Variants in IFT74 observed in about 807,000 individuals in gnomAD.
IFT74 encodes intraflagellar transport protein 74 homolog.
IFT74 carries 92 observed loss-of-function variants against 96.7 expected under a neutral mutation model. That is an observed-to-expected ratio of 0.95 (90% CI 0.80 to 1.13). IFT74 has a LOEUF of 1.13. Ranked by LOEUF, IFT74 falls within the 50% of genes most tolerant of loss-of-function variation. The pLI is 0.00. For synonymous variants in IFT74, 223 were observed against 213.2 expected, an observed-to-expected ratio of 1.05 and a Z score of -0.40; for missense variants, 811 against 698.2, an observed-to-expected ratio of 1.16 and a Z score of -1.82.
At chr9:27,041,216 C>T (rs945986909) in intron 13 of IFT74, among the ~76,000 whole-genome samples, 1 of 152,156 alleles carries the variant, frequency 6.6e-6, no homozygotes, top group African/African-American at 2.4e-5. Flanking sequence ...CTTTAATCCC[C>T]ATGTTACCCG....
At chr9:27,035,499 A>G (rs1819128478) in intron 13 of IFT74, among the ~76,000 whole-genome samples, 1 of 152,228 alleles carries the variant, frequency 6.6e-6, no homozygotes. Context: ...TTAGAAATGC[A>G]AATTCTTGGG....
Position 27,062,912 on chromosome 9 carries a change from A to G in IFT74, c.*176A>G. On this transcript the variant is annotated 3_prime_UTR_variant, in exon 20 of 20. Coordinates refer to ENST00000380062, the MANE Select transcript of IFT74 (RefSeq NM_025103.4). ...TTTAAAATAGTAAATAGTTCAATAA[A>G]TGGTTTGCATATTAAAAAGTACCAT... 2.0e-6 allele frequency: 1 copy of G among 502,716 alleles called. No homozygotes were observed. 31.1% of individuals were successfully genotyped at this position (502,716 alleles called of 1,614,324 possible). A position where few individuals can be genotyped will look rare whatever the true frequency, so the allele number is the denominator to read the frequency against.
intron 8 of IFT74, among the ~76,000 whole-genome samples, chr9:27,008,226 C>T (rs1828882825): frequency 1.3e-5 from 2 of 152,192 alleles, no homozygotes; most frequent in Non-Finnish European, 2.9e-5. Context: ...AATTGCACTG[C>T]AGGCCTCTCT....
intron 2 of IFT74, among the ~76,000 whole-genome samples, chr9:26,962,645 A>G (rs2131482171): frequency 6.6e-6 from 1 of 152,374 alleles, no homozygotes; most frequent in South Asian, 2.1e-4. Flanking sequence ...ACCTTTTATC[A>G]GAATTCTACA....
intron 9 of IFT74, among the ~76,000 whole-genome samples, chr9:27,009,833 T>C (rs1316071286): frequency 1.3e-5 from 2 of 152,206 alleles, no homozygotes; most frequent in African/African-American, 2.4e-5. Flanking sequence ...AAATTAATTT[T>C]TTTATTGATA....
rs375128279 is a variant in IFT74 at position 27,060,656 on chromosome 9, C to T, written c.1684+5C>T. On this transcript the variant is annotated splice_donor_5th_base_variant and intron_variant, in intron 19 of 19. Coordinates refer to ENST00000380062, the MANE Select transcript of IFT74 (RefSeq NM_025103.4). ...ATAATTTTGCGATGAAAGAATGTAT[C>T]CTTTAAAAAGCTGAAAATGGGGCCG... 1.5e-5 allele frequency: 24 copies of T among 1,596,052 alleles called. No homozygotes were observed. Among genetic ancestry groups the T allele is most frequent in the Non-Finnish European group, 2.1e-5 (24 of 1,168,564 alleles).
At chr9:26,980,370 G>C (rs115438624) in intron 3 of IFT74, among the ~76,000 whole-genome samples, 2 of 152,016 alleles carry the variant, frequency 1.3e-5, no homozygotes, top group Non-Finnish European at 2.9e-5. Context: ...TCCCATCTTC[G>C]TAGTTTTAAT....
At chr9:27,041,741 C>G (rs962044715) in intron 13 of IFT74, among the ~76,000 whole-genome samples, 1 of 152,144 alleles carries the variant, frequency 6.6e-6, no homozygotes, top group Non-Finnish European at 1.5e-5. Flanking sequence ...TTTTACCCTA[C>G]CTTAGGACTG....
chr9:26,995,967 G>A, intron 8 of IFT74: 1 of 756,694 alleles, frequency 1.3e-6, no homozygotes, highest in Non-Finnish European at 2.0e-6. Context: ...ATACATTGTA[G>A]TTTTCTTTAG....
At chr9:26,995,550 C>G in intron 8 of IFT74, 2 of 1,580,454 alleles carry the variant, frequency 1.3e-6, no homozygotes, top group Non-Finnish European at 1.7e-6. Context: ...TCATGGATAT[C>G]TATATATTTG....
At chr9:27,036,556 G>A (rs137906248) in intron 13 of IFT74, 28,190 of 1,607,150 alleles carry the variant, frequency 0.018, 295 homozygotes, top group Non-Finnish European at 0.02. Flanking sequence ...CATTTGAACT[G>A]AAGAATACCC....
intron 12 of IFT74, among the ~76,000 whole-genome samples, chr9:27,026,144 T>A (rs10967670): frequency 0.3 from 46,299 of 152,018 alleles, 8,126 homozygotes; most frequent in East Asian, 0.7. Flanking sequence ...GTGGAAAAAG[T>A]TATTCCATGC....
upstream of IFT74, chr9:26,955,680 G>A (rs1189923281): frequency 6.6e-6 from 1 of 151,960 alleles, no homozygotes; most frequent in East Asian, 1.9e-4. Flanking sequence ...TTAACTCCTC[G>A]AAGGCAGGCA....
intron 8 of IFT74, among the ~76,000 whole-genome samples, chr9:27,006,840 T>G (rs1828810529): frequency 7.5e-6 from 1 of 133,466 alleles, no homozygotes; most frequent in African/African-American, 2.8e-5. Flanking sequence ...TGTTTTTTTT[T>G]TTTTTTTTTT....
At chr9:26,989,635 T>C (rs1419183998) in intron 7 of IFT74, among the ~76,000 whole-genome samples, 1 of 152,124 alleles carries the variant, frequency 6.6e-6, no homozygotes, top group African/African-American at 2.4e-5. Context: ...TAATTAAGAA[T>C]CTTATTTCAA....
chr9:26,973,495 C>G (rs1432238607), intron 2 of IFT74, among the ~76,000 whole-genome samples: 1 of 152,156 alleles, frequency 6.6e-6, no homozygotes, highest in Non-Finnish European at 1.5e-5. Context: ...ATTCCCTTCT[C>G]TTGACCAGAC....
At chr9:27,010,551 G>A (rs891483636) in intron 9 of IFT74, among the ~76,000 whole-genome samples, 21 of 145,848 alleles carry the variant, frequency 1.4e-4, no homozygotes, top group East Asian at 2.1e-4. Flanking sequence ...GTGCAGTGGC[G>A]CGATCTCGGC....
chr9:27,022,179 A>G (rs1829638174), intron 12 of IFT74, among the ~76,000 whole-genome samples: 1 of 151,982 alleles, frequency 6.6e-6, no homozygotes, highest in African/African-American at 2.4e-5. Context: ...ATTCTGTGCC[A>G]TTGGTCCATG....
At chr9:26,985,174 G>A (rs987483053) in intron 6 of IFT74, among the ~76,000 whole-genome samples, 3 of 152,136 alleles carry the variant, frequency 2.0e-5, no homozygotes, top group African/African-American at 7.2e-5. Flanking sequence ...GGAGCTGGAG[G>A]TCATTATCCT....
Sources: allele counts gnomAD v4.1 joint callset (sites outside exome capture counted in the v4.1 genomes callset), GRCh38; gene constraint gnomAD v4.1.1; transcripts MANE v1.5; gene names NCBI Gene and HGNC (gene_info 2026-07-23, HGNC 2026-07-21).